SHB: variants seen among roughly 807,000 people sequenced by gnomAD.
The protein encoded by SHB is SH2 domain containing adaptor protein B, also known as SH2 domain-containing adapter protein B.
Under a neutral mutation model 52.3 loss-of-function variants are expected in SHB, and 20 were observed. The observed-to-expected ratio is 0.38, with a 90% CI of 0.27 to 0.56. SHB has a LOEUF of 0.56. Ranked by LOEUF, SHB falls within the 20% of genes least tolerant of loss-of-function variation. SHB has a pLI of 0.71. For synonymous variants in SHB, 397 were observed against 316.5 expected (o/e 1.25, Z -2.70); for missense variants, 825 against 723.3 (o/e 1.14, Z -1.61).
chr9:37,956,201 A>C, intron 3 of SHB, 147 bp from the exon 4 acceptor site: 1 of 741,228 alleles, frequency 1.3e-6, no homozygotes, highest in Non-Finnish European at 2.2e-6. Context: ...AACATGGCAC[A>C]AAAGATTTTG....
intron 1 of SHB, among the ~76,000 whole-genome samples, chr9:38,036,245 C>T (rs1004922083): frequency 3.9e-5 from 6 of 152,158 alleles, no homozygotes; most frequent in African/African-American, 1.4e-4. Flanking sequence ...TGGGGCACTG[C>T]CCTCTCTCCA....
intron 3 of SHB, among the ~76,000 whole-genome samples, chr9:37,967,919 G>T (rs1042539379): frequency 6.6e-6 from 1 of 152,208 alleles, no homozygotes; most frequent in African/African-American, 2.4e-5. Flanking sequence ...CCCAATCCTC[G>T]GGAGGGACTG....
At chr9:37,932,562 C>CA (rs74171537) in intron 5 of SHB, among the ~76,000 whole-genome samples, 7,621 of 86,696 alleles carry the variant, frequency 0.088, 418 homozygotes, top group African/African-American at 0.19. Context: ...GCTCTAGCCA[C>CA]AAAAAAAAAA....
chr9:38,067,996 C>G lies in SHB; in HGVS notation c.650G>C (p.Gly217Ala). The G allele has an allele frequency of 1.4e-5, 22 of 1,535,534 alleles. No homozygotes were observed. The highest frequency in any genetic ancestry group is 1.9e-5 in the Non-Finnish European group (22 of 1,150,456). ...GRTWSPTACG[G>A]KKLLNKCAAS... ...GGCGCACTTGTTGAGCAGTTTCTTG[C>G]CTCCGCAGGCCGTCGGGCTCCAGGT... Residue 217 changes from glycine to alanine, a missense_variant, in exon 1 of 6, where the codon GGC becomes GCC. Gly to Ala is a moderately conservative substitution (Grantham distance 60). Coordinates refer to ENST00000377707, the MANE Select transcript of SHB (RefSeq NM_003028.3).
chr9:37,981,979 T>C (rs1032140016), intron 2 of SHB, among the ~76,000 whole-genome samples: 1 of 152,160 alleles, frequency 6.6e-6, no homozygotes, highest in South Asian at 2.1e-4. Context: ...ATAAAAAGGT[T>C]TGAAATATGA....
intron 5 of SHB, among the ~76,000 whole-genome samples, chr9:37,935,989 C>T (rs958985409): frequency 4.0e-5 from 6 of 150,054 alleles, no homozygotes; most frequent in South Asian, 4.2e-4. Flanking sequence ...GATCACCTGA[C>T]GTCAGGAGTT....
chr9:38,007,972 A>G lies in SHB; in HGVS notation c.838+8039T>C, dbSNP rs186592932. Among the ~76,000 whole-genome samples the G allele has an allele frequency of 3.0e-3, 456 of 152,234 alleles. 4 individuals carry two copies. The highest frequency in any genetic ancestry group is 1.1e-3 in the Non-Finnish European group (72 of 68,000). ...AGCACACTTTGGTCCCAGAGGCTGTACCACTCCTTCTTCTGTGTTCTCCAA... is the reference window on the plus strand; with the variant it reads ...AGCACACTTTGGTCCCAGAGGCTGTGCCACTCCTTCTTCTGTGTTCTCCAA... On this transcript the variant is annotated intron_variant, in intron 2 of 5. Transcript: ENST00000377707.
chr9:37,932,826 G>C (rs1173224242), intron 5 of SHB, among the ~76,000 whole-genome samples: 1 of 152,162 alleles, frequency 6.6e-6, no homozygotes, highest in Non-Finnish European at 1.5e-5. Flanking sequence ...CGTTGCCCAG[G>C]CTAGTCTTGA....
At chr9:37,920,491 A>G (rs1357964352) in intron 5 of SHB, among the ~76,000 whole-genome samples, 2 of 152,290 alleles carry the variant, frequency 1.3e-5, no homozygotes, top group Admixed American at 6.5e-5. Context: ...AGGGATGGCA[A>G]GTGATCTGTC....
At chr9:38,019,212 T>G (rs1190077907) in intron 1 of SHB, among the ~76,000 whole-genome samples, 1 of 152,172 alleles carries the variant, frequency 6.6e-6, no homozygotes, top group Non-Finnish European at 1.5e-5. Context: ...TTGGGATGAG[T>G]GCTAAACCCC....
intron 2 of SHB, among the ~76,000 whole-genome samples, chr9:38,012,765 A>G (rs1821157044): frequency 6.6e-6 from 1 of 150,952 alleles, no homozygotes; most frequent in Non-Finnish European, 1.5e-5. Flanking sequence ...CCTTCTTGTC[A>G]GCGTTATGCT....
At chr9:38,003,877 G>A (rs569163597) in intron 2 of SHB, among the ~76,000 whole-genome samples, 3 of 152,330 alleles carry the variant, frequency 2.0e-5, no homozygotes, top group South Asian at 2.1e-4. Context: ...GGATGCTGTC[G>A]CCCACCGGCT....
intron 1 of SHB, among the ~76,000 whole-genome samples, chr9:38,035,515 C>A (rs1367710186): frequency 1.3e-5 from 2 of 151,842 alleles, no homozygotes. Context: ...ACAGGCTGCT[C>A]AGTGAGAGAG....
At position 38,068,491 on chromosome 9, in the gene SHB, G is replaced by A; in HGVS notation, c.155C>T (p.Ser52Leu). The A allele has an allele frequency of 6.7e-7, 1 of 1,497,856 alleles. No homozygotes were observed. Among genetic ancestry groups the A allele is most frequent in the South Asian group, 1.2e-5 (1 of 80,008 alleles). The allele number at this position is 1,497,856 out of a possible 1,614,324, so 92.8% of individuals were successfully genotyped here. ...GGCGGTGGCCGGACCGCAGGACGCC[G>A]AGGCGGCGGAGGAGGCCTGCGGCAC... ...QAVPQASSAA[S>L]ASCGPATASC... Residue 52 changes from serine to leucine, a missense_variant, in exon 1 of 6, where the codon TCG becomes TTG. By Grantham distance (145) the Ser-to-Leu change is moderately radical. Coordinates refer to ENST00000377707, the MANE Select transcript of SHB (RefSeq NM_003028.3).
chr9:37,917,039 A>C lies in SHB; in HGVS notation c.*2782T>G, dbSNP rs1476686774. ...TCCCCAATTAATTGGCAGCAGATGA[A>C]AAAAAAAAAAAACAAACCCAAAACA... On this transcript the variant is annotated 3_prime_UTR_variant, in exon 6 of 6. Coordinates refer to ENST00000377707, the MANE Select transcript of SHB (RefSeq NM_003028.3). 1.4e-5 allele frequency among the ~76,000 whole-genome samples: 2 copies of C among 147,228 alleles called. No individual in the cohort carries two copies. Among genetic ancestry groups the C allele is most frequent in the Non-Finnish European group, 3.0e-5 (2 of 66,966 alleles).
intron 2 of SHB, among the ~76,000 whole-genome samples, chr9:38,003,701 T>C (rs928195192): frequency 6.6e-6 from 1 of 152,232 alleles, no homozygotes; most frequent in African/African-American, 2.4e-5. Flanking sequence ...GCTCTGACAC[T>C]GTCCCAACTG....
In SHB at chr9:37,916,100, C is replaced by T. The variant is rs1832094450; in HGVS notation, c.*3721G>A. On this transcript the variant is annotated 3_prime_UTR_variant, in exon 6 of 6. Transcript: ENST00000377707. ...GTTCCAGGACCAAGGGGCTTGCCCT[C>T]CTGCAAGCGCGCCTGTGAACAAGTC... Among the ~76,000 whole-genome samples the T allele has an allele frequency of 6.6e-6, 1 of 152,220 alleles. No individual in the cohort carries two copies. Among genetic ancestry groups the T allele is most frequent in the Non-Finnish European group, 1.5e-5 (1 of 68,034 alleles).
chr9:37,974,566 G>C, intron 3 of SHB, 56 bp downstream of exon 3: 1 of 1,478,818 alleles, frequency 6.8e-7, no homozygotes, highest in Non-Finnish European at 9.3e-7. Context: ...GGGGACCAAG[G>C]TGAGTGCTGA....
chr9:38,029,995 A>G lies in SHB; in HGVS notation c.718-13864T>C, dbSNP rs112049244. On this transcript the variant is annotated intron_variant, in intron 1 of 5. Coordinates refer to ENST00000377707, the MANE Select transcript of SHB (RefSeq NM_003028.3). ...CTTCAGCACAACAGCATGCATTGCA[A>G]CTGGTTTTCTCCACATCACTGCGAG... 7.9e-3 allele frequency among the ~76,000 whole-genome samples: 1,205 copies of G among 152,324 alleles called. 14 individuals are homozygous for G. The highest frequency in any genetic ancestry group is 0.027 in the African/African-American group (1,130 of 41,568).
Sources: allele counts gnomAD v4.1 joint callset (sites outside exome capture counted in the v4.1 genomes callset), GRCh38; gene constraint gnomAD v4.1.1; transcripts MANE v1.5; gene names NCBI Gene and HGNC (gene_info 2026-07-23, HGNC 2026-07-21).